CSNK1D: variants seen among roughly 807,000 people sequenced by gnomAD.
CSNK1D encodes the protein casein kinase 1 delta, also known as casein kinase I isoform delta.
Under a neutral mutation model 46.6 loss-of-function variants are expected in CSNK1D, and 16 were observed. The observed-to-expected ratio is 0.34, with a 90% CI of 0.23 to 0.52. The LOEUF (loss-of-function observed/expected upper bound fraction) is 0.52. CSNK1D is among the 20% of genes least tolerant of loss of function. CSNK1D has a pLI of 0.95. For missense variants in CSNK1D, 398 were observed against 578.4 expected (o/e 0.69, Z 3.20); for synonymous variants, 276 against 228.2 (o/e 1.21, Z -1.89).
intron 2 of CSNK1D, among the ~76,000 whole-genome samples, chr17:82,263,964 G>A (rs1029041584): frequency 2.6e-5 from 4 of 152,220 alleles, no homozygotes; most frequent in African/African-American, 9.6e-5. Flanking sequence ...CTCTGGTCAC[G>A]TGAGGCCCGT....
rs1041598502 is a variant in CSNK1D, at chr17:82,255,849, C to T, written c.188-272G>A. Among the ~76,000 whole-genome samples the T allele has an allele frequency of 1.3e-5, 2 of 152,170 alleles. No individual in the cohort carries two copies. Among genetic ancestry groups the T allele is most frequent in the African/African-American group, 2.4e-5 (1 of 41,444 alleles). On this transcript the variant is annotated intron_variant, in intron 2 of 8. Transcript: ENST00000314028. The surrounding 1 kb of genome is among the most constrained non-coding windows in gnomAD (Gnocchi z 5.9). ...GGAGGGGATCGAAGCCCCACCTCCC[C>T]GACTCCCGTCTTCTAGGGCAGGGGG... is the stretch of plus-strand genomic sequence containing the variant.
intron 2 of CSNK1D, 105 bp downstream of exon 2, chr17:82,265,581 T>C: frequency 1.1e-6 from 1 of 894,810 alleles, no homozygotes; most frequent in Non-Finnish European, 1.9e-6. Flanking sequence ...TCCCTCCCTT[T>C]TGCCCAGAAC....
chr17:82,260,865 T>C (rs2147201495), intron 2 of CSNK1D: 1 of 154,356 alleles, frequency 6.5e-6, no homozygotes, highest in South Asian at 2.0e-4. Context: ...ATGTGACTGA[T>C]GATGTATTTA....
chr17:82,248,340 C>CCTGGACAGTCAGGACCTG lies in CSNK1D; in HGVS notation c.1197+534_1197+535insCAGGTCCTGACTGTCCAG. 1 of 996,154 alleles carries CCTGGACAGTCAGGACCTG rather than the reference C, an allele frequency of 1.0e-6. No individual in the cohort carries two copies. Among genetic ancestry groups the CCTGGACAGTCAGGACCTG allele is most frequent in the Non-Finnish European group, 1.2e-6 (1 of 835,762 alleles). The allele number at this position is 996,154 out of a possible 1,614,324, so 61.7% of individuals were successfully genotyped here. On this transcript the variant is annotated intron_variant, in intron 8 of 8. Transcript: ENST00000314028. This position sits in a 1 kb window ranked among gnomAD's most constrained non-coding sequence, Gnocchi z 4.1. ...GGTGGCCGTGGCTAGGCCTGGGCTG[C>CCTGGACAGTCAGGACCTG]GCAACAGGGTACTTCTCGTCCAAGG...
intron 8 of CSNK1D, chr17:82,246,234 C>T: frequency 6.7e-7 from 1 of 1,489,894 alleles, no homozygotes; most frequent in Non-Finnish European, 8.9e-7. Context: ...GTGGTGCCCA[C>T]TCCTCTTCTG....
rs1388060166 is a variant in CSNK1D at position 82,250,486 on chromosome 17, C to G, written c.886-884G>C. ...AGGCAGCACAGCCCCGGCAGAGGGA[C>G]TGATCTGCCCTGCCGAGTGCACCCC... is the stretch of plus-strand genomic sequence containing the variant. On this transcript the variant is annotated intron_variant, in intron 6 of 8. Coordinates refer to ENST00000314028, the MANE Select transcript of CSNK1D (RefSeq NM_001893.6). The surrounding 1 kb of genome is among the most constrained non-coding windows in gnomAD (Gnocchi z 4.6). 12 of 314,202 alleles carry G rather than the reference C, an allele frequency of 3.8e-5. 1 individual carries two copies. The East Asian group carries it at 8.2e-4, about 21-fold the overall frequency. 19.5% of individuals were successfully genotyped at this position (314,202 alleles called of 1,614,324 possible).
At chr17:82,247,512 A>G in intron 8 of CSNK1D, 3 of 985,500 alleles carry the variant, frequency 3.0e-6, no homozygotes, top group Non-Finnish European at 3.6e-6. Flanking sequence ...AGGCTGTCCA[A>G]GTCCGGTCAG....
At chr17:82,258,350 T>C (rs750483966) in intron 2 of CSNK1D, among the ~76,000 whole-genome samples, 6 of 150,898 alleles carry the variant, frequency 4.0e-5, no homozygotes, top group Non-Finnish European at 7.4e-5. Flanking sequence ...ATATATATAT[T>C]ATATATATGC....
Position 82,249,277 on chromosome 17 carries a change from C to T in CSNK1D, c.1057+154G>A, listed in dbSNP as rs1327213188. 3.9e-5 allele frequency: 34 copies of T among 877,834 alleles called. No individual in the cohort carries two copies. Among genetic ancestry groups the T allele is most frequent in the Non-Finnish European group, 5.3e-5 (31 of 585,146 alleles). 54.4% of individuals were successfully genotyped at this position (877,834 alleles called of 1,614,324 possible). A position where few individuals can be genotyped will look rare whatever the true frequency, so the allele number is the denominator to read the frequency against. On this transcript the variant is annotated intron_variant, in intron 7 of 8. Coordinates refer to ENST00000314028, the MANE Select transcript of CSNK1D (RefSeq NM_001893.6). This position sits in a 1 kb window ranked among gnomAD's most constrained non-coding sequence, Gnocchi z 6.7. ...CAGGTGCCGGCATTTCTAAAGGCGC[C>T]TGGGCAGCCTGGCTCATCCACCCTC...
Position 82,249,757 on chromosome 17 carries a change from A to G in CSNK1D, c.886-155T>C. 6.7e-7 allele frequency: 1 copy of G among 1,483,158 alleles called. No homozygotes were observed. Among genetic ancestry groups the G allele is most frequent in the South Asian group, 1.3e-5 (1 of 75,552 alleles). 91.9% of individuals were successfully genotyped at this position (1,483,158 alleles called of 1,614,324 possible). ...CCCCACAGGCTGCACGTTTCTCCTC[A>G]TGGGATGACAGCATCATCCCCACAA... On this transcript the variant is annotated intron_variant, in intron 6 of 8. Transcript: ENST00000314028. This position sits in a 1 kb window ranked among gnomAD's most constrained non-coding sequence, Gnocchi z 6.7.
chr17:82,256,357 C>A (rs952337646), intron 2 of CSNK1D, among the ~76,000 whole-genome samples: 4 of 151,886 alleles, frequency 2.6e-5, no homozygotes, highest in Non-Finnish European at 2.9e-5. Flanking sequence ...ACAAAAAATT[C>A]TGGAAATTAG....
At position 82,255,158 on chromosome 17, in the gene CSNK1D, C is replaced by T. The variant is rs953531913; in HGVS notation, c.336+271G>A. The T allele has an allele frequency of 3.8e-5, 18 of 468,344 alleles. No homozygotes were observed. The highest frequency in any genetic ancestry group is 6.7e-5 in the Admixed American group (2 of 29,768). 29.0% of individuals were successfully genotyped at this position (468,344 alleles called of 1,614,324 possible). A position where few individuals can be genotyped will look rare whatever the true frequency, so the allele number is the denominator to read the frequency against. ...GCCTCCAGAAGCCAGTGAGCTGGGC[C>T]GCCGGAGCCTCGAGAAGCCAGTGAG... On this transcript the variant is annotated intron_variant, in intron 3 of 8. Transcript: ENST00000314028. This position sits in a 1 kb window ranked among gnomAD's most constrained non-coding sequence, Gnocchi z 5.9.
chr17:82,256,919 T>C (rs1409886435), intron 2 of CSNK1D, among the ~76,000 whole-genome samples: 5 of 152,194 alleles, frequency 3.3e-5, no homozygotes, highest in Non-Finnish European at 7.3e-5. Context: ...TTAAAGCAAG[T>C]TTTGGTACCA....
chr17:82,249,555 T>C lies in CSNK1D; in HGVS notation c.933A>G (p.Arg311=), dbSNP rs1249413828. 2.6e-6 allele frequency: 4 copies of C among 1,550,672 alleles called. No individual in the cohort carries two copies. Among genetic ancestry groups the C allele is most frequent in the Admixed American group, 1.9e-5 (1 of 51,418 alleles). ...ADDAERERRD[R]EERLRHSRNP... ...TCCGCGAGTGTCTCAGCCGCTCCTC[T>C]CGGTCCCTGCGCTCCCGCTCGGCGT... Residue 311 remains arginine (R), a synonymous_variant, in exon 7 of 9, where the codon CGA becomes CGG. Coordinates refer to ENST00000314028, the MANE Select transcript of CSNK1D (RefSeq NM_001893.6). The surrounding 1 kb of genome is among the most constrained non-coding windows in gnomAD (Gnocchi z 6.7).
At chr17:82,242,216 G>GC (rs927426170), downstream of CSNK1D, among the ~76,000 whole-genome samples, 3 of 151,744 alleles carry the variant, frequency 2.0e-5, no homozygotes, top group African/African-American at 4.8e-5. Context: ...GTGCTCTGGG[G>GC]GGGGGGGGAA....
intron 1 of CSNK1D, among the ~76,000 whole-genome samples, chr17:82,269,206 G>C (rs1234973847): frequency 6.6e-6 from 1 of 151,870 alleles, no homozygotes. Flanking sequence ...CTGGATGCTG[G>C]CAACTCCCAT....
At position 82,242,832 on chromosome 17, in the gene CSNK1D, G is replaced by C; in HGVS notation, c.*1949C>G. 1 of 985,470 alleles carries C rather than the reference G, an allele frequency of 1.0e-6. No individual in the cohort carries two copies. The highest frequency in any genetic ancestry group is 1.2e-6 in the Non-Finnish European group (1 of 829,946). 61.0% of individuals were successfully genotyped at this position (985,470 alleles called of 1,614,324 possible). On this transcript the variant is annotated 3_prime_UTR_variant, in exon 9 of 9. Coordinates refer to ENST00000314028, the MANE Select transcript of CSNK1D (RefSeq NM_001893.6). ...CGACGGGGACTAGATACTGGGCAAG[G>C]ACTGTCACAAGCACTCCGAAGACGC...
chr17:82,249,074 T>A lies in CSNK1D; in HGVS notation c.1058-60A>T, dbSNP rs968148906. The A allele has an allele frequency of 7.8e-6, 12 of 1,532,428 alleles. No individual in the cohort carries two copies. In the Admixed American group the frequency reaches 9.9e-5, roughly 13 times the overall value. 94.9% of individuals were successfully genotyped at this position (1,532,428 alleles called of 1,614,324 possible). ...CCGTCTGCTGCCTCTCACTCGGGGC[T>A]TTCTATGAGAGGCTGTGGCCAGAGA... On this transcript the variant is annotated intron_variant, in intron 7 of 8. Coordinates refer to ENST00000314028, the MANE Select transcript of CSNK1D (RefSeq NM_001893.6). The surrounding 1 kb of genome is among the most constrained non-coding windows in gnomAD (Gnocchi z 6.7).
Position 82,250,348 on chromosome 17 carries a change from C to G in CSNK1D, c.886-746G>C. The G allele has an allele frequency of 2.0e-6, 1 of 500,580 alleles. No individual in the cohort carries two copies. The highest frequency in any genetic ancestry group is 1.8e-5 in the South Asian group (1 of 56,856). The allele number at this position is 500,580 out of a possible 1,614,324, so 31.0% of individuals were successfully genotyped here. A position where few individuals can be genotyped will look rare whatever the true frequency, so the allele number is the denominator to read the frequency against. On this transcript the variant is annotated intron_variant, in intron 6 of 8. Transcript: ENST00000314028. This position sits in a 1 kb window ranked among gnomAD's most constrained non-coding sequence, Gnocchi z 4.6. ...ACACACCTGCGGCTGCAGCACCGTG[C>G]GGCCAGCACCGCCCAGACTCCTCAT...
Sources: gnomAD v4.1 joint callset for allele counts (sites outside exome capture counted in the v4.1 genomes callset) on GRCh38, gnomAD v4.1.1 for gene constraint, Gnocchi (gnomAD v3.1) non-coding constraint, MANE v1.5 for transcripts, NCBI Gene and HGNC (gene_info 2026-07-23, HGNC 2026-07-21) for gene names.